Variants in SEMA3B observed in about 807,000 individuals in gnomAD.
SEMA3B encodes semaphorin 3B.
In SEMA3B, 71 loss-of-function variants were observed where a neutral mutation model predicts 77.8. That is an observed-to-expected ratio of 0.91 (90% CI 0.75 to 1.11). The LOEUF (loss-of-function observed/expected upper bound fraction) is 1.11. Ranked by LOEUF, SEMA3B falls within the 50% of genes most tolerant of loss-of-function variation. SEMA3B has a pLI of 0.00. For missense variants in SEMA3B, 968 were observed against 1,056.8 expected, an observed-to-expected ratio of 0.92 and a Z score of 1.17; for synonymous variants, 470 against 452.9, an observed-to-expected ratio of 1.04 and a Z score of -0.48.
chr3:50,275,485 C>G lies in SEMA3B; in HGVS notation c.1649+26C>G. ...GTGGGCGGGGTCGGGGTTGGGCCGCCGGGAGGGAGGCGAAGGGTCTTTCAC... is the reference window on the plus strand; with the variant it reads ...GTGGGCGGGGTCGGGGTTGGGCCGCGGGGAGGGAGGCGAAGGGTCTTTCAC... On this transcript the variant is annotated intron_variant, in intron 14 of 16. Coordinates refer to ENST00000616701, the MANE Select transcript of SEMA3B (RefSeq NM_001290060.2). This position sits in a 1 kb window ranked among gnomAD's most constrained non-coding sequence, Gnocchi z 7.5. The G allele has an allele frequency of 1.1e-5, 17 of 1,606,404 alleles. No homozygotes were observed. Among genetic ancestry groups the G allele is most frequent in the Non-Finnish European group, 1.4e-5 (17 of 1,174,586 alleles).
chr3:50,274,882 G>T lies in SEMA3B; in HGVS notation c.1397G>T (p.Gly466Val). The part of the protein sequence containing the change: ...TVLKVISVPK[G>V]SRPSAEGLLL... ...CTGAAGGTGATCTCGGTCCCCAAGG[G>T]CAGTAGGCCCAGCGCAGAGGGGCTG... is the stretch of plus-strand genomic sequence containing the variant. Residue 466 changes from glycine (G) to valine (V), a missense_variant, in exon 12 of 17, where the codon GGC (glycine) becomes GTC (valine). Transcript: ENST00000616701. This position sits in a 1 kb window ranked among gnomAD's most constrained non-coding sequence, Gnocchi z 4.7. The T allele has an allele frequency of 2.5e-6, 4 of 1,611,236 alleles. No individual in the cohort carries two copies. The highest frequency in any genetic ancestry group is 3.4e-6 in the Non-Finnish European group (4 of 1,179,806).
At position 50,269,477 on chromosome 3, in the gene SEMA3B, G is replaced by A. The variant is rs1700986030; in HGVS notation, c.109+128G>A. On this transcript the variant is annotated intron_variant, in intron 1 of 16. Transcript: ENST00000616701. The surrounding 1 kb of genome is among the most constrained non-coding windows in gnomAD (Gnocchi z 4.0). ...CTGTCACCAGACTCTGGTAGGATTA[G>A]TGGGCACTCTCAGGCCACCTCCAGT... 3 of 624,528 alleles carry A rather than the reference G, an allele frequency of 4.8e-6. No individual in the cohort carries two copies. The highest frequency in any genetic ancestry group is 2.0e-5 in the South Asian group (1 of 50,392). The allele number at this position is 624,528 out of a possible 1,614,324, so 38.7% of individuals were successfully genotyped here. A position where few individuals can be genotyped will look rare whatever the true frequency, so the allele number is the denominator to read the frequency against.
rs782510184 is a variant in SEMA3B, at chr3:50,274,446, C to A, written c.1221C>A (p.Leu407=). ...DVIQFARNHP[L]MYNSVLPTGG... is the part of the protein sequence containing the mutation. ...TCCAGTTTGCGCGGAACCACCCCCT[C>A]ATGTACAACTCTGTCCTGCCCACTG... Residue 407 remains leucine, a synonymous_variant, in exon 11 of 17, where the codon CTC becomes CTA. Transcript: ENST00000616701. The surrounding 1 kb of genome is among the most constrained non-coding windows in gnomAD (Gnocchi z 4.7). 15 of 1,534,080 alleles carry A rather than the reference C, an allele frequency of 9.8e-6. No individual in the cohort carries two copies. The African/African-American group carries it at 1.8e-4, about 18-fold the overall frequency.
the SEMA3B span, chr3:50,262,147 T>C: frequency 1.3e-5 from 2 of 151,940 alleles, no homozygotes; most frequent in Non-Finnish European, 2.9e-5. Context: ...ATACAAAAAT[T>C]AGCTGGGCAT....
chr3:50,271,535 T>C, intron 6 of SEMA3B, 55 bp downstream of exon 6: 1 of 1,549,060 alleles, frequency 6.5e-7, no homozygotes, highest in Non-Finnish European at 8.7e-7. Flanking sequence ...ACAGGGCAGG[T>C]GCCAAGCAAG....
rs375479773 is a variant in SEMA3B, at chr3:50,275,054, G to A, written c.1491+1G>A. ...CAGCATGCAAATTTCTTCCAAGAGG[G>A]TGAGTGACCAGGATGGGGGTCGGGG... On this transcript the variant is annotated splice_donor_variant, in intron 13 of 16. Coordinates refer to ENST00000616701, the MANE Select transcript of SEMA3B (RefSeq NM_001290060.2). LOFTEE classifies it high-confidence loss of function. This position sits in a 1 kb window ranked among gnomAD's most constrained non-coding sequence, Gnocchi z 7.5. The A allele has an allele frequency of 4.4e-5, 69 of 1,583,720 alleles. No individual in the cohort carries two copies. Among genetic ancestry groups the A allele is most frequent in the Non-Finnish European group, 5.2e-5 (60 of 1,161,112 alleles).
Position 50,270,526 on chromosome 3 carries a change from G to A in SEMA3B, c.330+31G>A. 1 of 1,612,856 alleles carries A rather than the reference G, an allele frequency of 6.2e-7. No homozygotes were observed. Among genetic ancestry groups the A allele is most frequent in the East Asian group, 2.2e-5 (1 of 44,862 alleles). On this transcript the variant is annotated intron_variant, in intron 3 of 16. Transcript: ENST00000616701. The surrounding 1 kb of genome is among the most constrained non-coding windows in gnomAD (Gnocchi z 4.7). ...TGCCAGCTGCCCGGGCCGGGAGTGGGGAGGGTCAGCCCCTCACCCCAGAGA... is the reference window on the plus strand; with the variant it reads ...TGCCAGCTGCCCGGGCCGGGAGTGGAGAGGGTCAGCCCCTCACCCCAGAGA...
chr3:50,265,899 C>T (rs587698369), upstream of SEMA3B, among the ~76,000 whole-genome samples: 1 of 152,314 alleles, frequency 6.6e-6, no homozygotes, highest in Admixed American at 6.5e-5. Context: ...GACCTCCATT[C>T]CTACTCAAGG....
Position 50,273,975 on chromosome 3 carries a change from TG to T in SEMA3B, c.1058del (p.Gly353AspfsTer106). On this transcript the variant is annotated frameshift_variant, in exon 10 of 17. Coordinates refer to ENST00000616701, the MANE Select transcript of SEMA3B (RefSeq NM_001290060.2). LOFTEE classifies it high-confidence loss of function. This position sits in a 1 kb window ranked among gnomAD's most constrained non-coding sequence, Gnocchi z 6.5. Reference sequence around the variant, plus strand: ...ATGAACGACGTGCGCCGGGCCTTCTTGGGACCCTTTGCACACAAGGAGGGGC... The same window carrying T: ...ATGAACGACGTGCGCCGGGCCTTCTTGGACCCTTTGCACACAAGGAGGGGC... Reference protein sequence around the residue: ...YSMNDVRRAFLGPFAHKEGPM... With the variant: ...YSMNDVRRAFXGPFAHKEGPM... 6.2e-7 allele frequency: 1 copy of T among 1,613,812 alleles called. No homozygotes were observed. Among genetic ancestry groups the T allele is most frequent in the African/African-American group, 1.3e-5 (1 of 75,060 alleles).
At chr3:50,260,877 C>G in the SEMA3B span, 1 of 152,344 alleles carries the variant, frequency 6.6e-6, no homozygotes, top group Admixed American at 6.5e-5. Context: ...AGGCCTCCAC[C>G]TGCCCCGGCC....
rs1341815887 is a variant in SEMA3B, at chr3:50,275,516, G to A, written c.1650-44G>A. 1.9e-6 allele frequency: 3 copies of A among 1,613,254 alleles called. No homozygotes were observed. The highest frequency in any genetic ancestry group is 2.5e-6 in the Non-Finnish European group (3 of 1,179,708). Reference sequence around the variant, plus strand: ...GGAGGCGAAGGGTCTTTCACTGCCCGGGGCTGAAAGAAGGGCTCACAGAAG... The same window carrying A: ...GGAGGCGAAGGGTCTTTCACTGCCCAGGGCTGAAAGAAGGGCTCACAGAAG... On this transcript the variant is annotated intron_variant, in intron 14 of 16. Transcript: ENST00000616701. The surrounding 1 kb of genome is among the most constrained non-coding windows in gnomAD (Gnocchi z 7.5).
chr3:50,274,433 G>T lies in SEMA3B; in HGVS notation c.1208G>T (p.Arg403Leu), dbSNP rs371136009. 5.2e-5 allele frequency: 79 copies of T among 1,518,658 alleles called. No homozygotes were observed. Among genetic ancestry groups the T allele is most frequent in the Non-Finnish European group, 6.7e-5 (76 of 1,133,978 alleles). The allele number at this position is 1,518,658 out of a possible 1,614,324, so 94.1% of individuals were successfully genotyped here. A position where few individuals can be genotyped will look rare whatever the true frequency, so the allele number is the denominator to read the frequency against. ...CCAGACGATGTCATCCAGTTTGCGC[G>T]GAACCACCCCCTCATGTACAACTCT... ...DFPDDVIQFA[R>L]NHPLMYNSVL... The change falls in exon 11 of 17, where the codon CGG becomes CTG. Residue 403 changes from arginine (R) to leucine (L), a missense_variant. Coordinates refer to ENST00000616701, the MANE Select transcript of SEMA3B (RefSeq NM_001290060.2). The surrounding 1 kb of genome is among the most constrained non-coding windows in gnomAD (Gnocchi z 4.7).
chr3:50,273,967 G>A lies in SEMA3B; in HGVS notation c.1047G>A (p.Arg349=). 1 of 1,613,752 alleles carries A rather than the reference G, an allele frequency of 6.2e-7. No homozygotes were observed. The highest frequency in any genetic ancestry group is 8.5e-7 in the Non-Finnish European group (1 of 1,179,730). ...VCVYSMNDVR[R]AFLGPFAHKE... is the part of the protein sequence containing the mutation. Reference sequence around the variant, plus strand: ...TGTACAGCATGAACGACGTGCGCCGGGCCTTCTTGGGACCCTTTGCACACA... The same window carrying A: ...TGTACAGCATGAACGACGTGCGCCGAGCCTTCTTGGGACCCTTTGCACACA... The change falls in exon 10 of 17, where the codon CGG becomes CGA. Residue 349 remains arginine, a synonymous_variant. Coordinates refer to ENST00000616701, the MANE Select transcript of SEMA3B (RefSeq NM_001290060.2). The surrounding 1 kb of genome is among the most constrained non-coding windows in gnomAD (Gnocchi z 6.5).
chr3:50,269,202 C>A lies in SEMA3B; in HGVS notation c.-39C>A. 6.9e-7 allele frequency: 1 copy of A among 1,442,970 alleles called. No individual in the cohort carries two copies. The highest frequency in any genetic ancestry group is 9.4e-7 in the Non-Finnish European group (1 of 1,062,046). 89.4% of individuals were successfully genotyped at this position (1,442,970 alleles called of 1,614,324 possible). On this transcript the variant is annotated 5_prime_UTR_variant, in exon 1 of 17. Coordinates refer to ENST00000616701, the MANE Select transcript of SEMA3B (RefSeq NM_001290060.2). This position sits in a 1 kb window ranked among gnomAD's most constrained non-coding sequence, Gnocchi z 4.0. ...CAGGGCAGCTCAAGGCTCCTCCACA[C>A]ACACACCCGCTGAACCCTGAGCACC... is the stretch of plus-strand genomic sequence containing the variant.
chr3:50,263,619 G>A (rs1335224176), upstream of SEMA3B, among the ~76,000 whole-genome samples: 1 of 151,864 alleles, frequency 6.6e-6, no homozygotes, highest in Non-Finnish European at 1.5e-5. Context: ...TCAGGGACAC[G>A]GTCCTGCAGA....
chr3:50,273,045 G>A lies in SEMA3B; in HGVS notation c.665-253G>A, dbSNP rs1031062869. 4 of 492,614 alleles carry A rather than the reference G, an allele frequency of 8.1e-6. No individual in the cohort carries two copies. The Admixed American group carries it at 1.2e-4, about 14-fold the overall frequency. 30.5% of individuals were successfully genotyped at this position (492,614 alleles called of 1,614,324 possible). On this transcript the variant is annotated intron_variant, in intron 6 of 16. Transcript: ENST00000616701. This position sits in a 1 kb window ranked among gnomAD's most constrained non-coding sequence, Gnocchi z 6.5. ...TGTGGGGCGAGATCGGAGGCTAGCCGGGCTTCACGCCTGCGCCCCCAGGTA... is the reference window on the plus strand; with the variant it reads ...TGTGGGGCGAGATCGGAGGCTAGCCAGGCTTCACGCCTGCGCCCCCAGGTA...
In SEMA3B at chr3:50,276,499, G is replaced by A; in HGVS notation, c.2043G>A (p.Ala681=). 1.3e-6 allele frequency: 2 copies of A among 1,531,340 alleles called. No homozygotes were observed. The highest frequency in any genetic ancestry group is 1.7e-6 in the Non-Finnish European group (2 of 1,143,816). 94.9% of individuals were successfully genotyped at this position (1,531,340 alleles called of 1,614,324 possible). A position where few individuals can be genotyped will look rare whatever the true frequency, so the allele number is the denominator to read the frequency against. ...LARAEEAAPA[A]PPGPKLWYRD... is the part of the protein sequence containing the mutation. The stretch of plus-strand genomic sequence containing the variant: ...GGGCCGAGGAGGCTGCGCCCGCCGC[G>A]CCGCCGGGCCCCAAACTCTGGTACC... Residue 681 remains alanine, a synonymous_variant, in exon 17 of 17, where the codon GCG becomes GCA. Coordinates refer to ENST00000616701, the MANE Select transcript of SEMA3B (RefSeq NM_001290060.2). This position sits in a 1 kb window ranked among gnomAD's most constrained non-coding sequence, Gnocchi z 5.8.
Position 50,270,592 on chromosome 3 carries a change from G to T in SEMA3B, c.330+97G>T. 1 of 1,549,944 alleles carries T rather than the reference G, an allele frequency of 6.5e-7. No homozygotes were observed. The highest frequency in any genetic ancestry group is 1.1e-5 in the South Asian group (1 of 88,896). On this transcript the variant is annotated intron_variant, in intron 3 of 16. Coordinates refer to ENST00000616701, the MANE Select transcript of SEMA3B (RefSeq NM_001290060.2). The surrounding 1 kb of genome is among the most constrained non-coding windows in gnomAD (Gnocchi z 4.7). ...ACAGAGGCCTGCCTGTTCTGGCTGG[G>T]ATGAGGGCAGGGAGGTCGAGGTGGC...
Position 50,276,487 on chromosome 3 carries a change from T to C in SEMA3B, c.2031T>C (p.Ala677=). The part of the protein sequence containing the change: ...QAERLARAEE[A]APAAPPGPKL... Reference sequence around the variant, plus strand: ...AACGACTGGCGCGGGCCGAGGAGGCTGCGCCCGCCGCGCCGCCGGGCCCCA... The same window carrying C: ...AACGACTGGCGCGGGCCGAGGAGGCCGCGCCCGCCGCGCCGCCGGGCCCCA... The change falls in exon 17 of 17, where the codon GCT becomes GCC. Residue 677 remains alanine (A), a synonymous_variant. Transcript: ENST00000616701. The surrounding 1 kb of genome is among the most constrained non-coding windows in gnomAD (Gnocchi z 5.8). The C allele has an allele frequency of 6.5e-7, 1 of 1,530,124 alleles. No individual in the cohort carries two copies. The highest frequency in any genetic ancestry group is 8.7e-7 in the Non-Finnish European group (1 of 1,143,376). The allele number at this position is 1,530,124 out of a possible 1,614,324, so 94.8% of individuals were successfully genotyped here. A position where few individuals can be genotyped will look rare whatever the true frequency, so the allele number is the denominator to read the frequency against.
Sources: gnomAD v4.1 joint callset for allele counts (sites outside exome capture counted in the v4.1 genomes callset) on GRCh38, gnomAD v4.1.1 for gene constraint, Gnocchi (gnomAD v3.1) non-coding constraint, MANE v1.5 for transcripts, NCBI Gene and HGNC (gene_info 2026-07-23, HGNC 2026-07-21) for gene names.